Variants in GRM3 observed in about 807,000 individuals in gnomAD.
GRM3 encodes the protein metabotropic glutamate receptor 3.
Under a neutral mutation model 70.5 loss-of-function variants are expected in GRM3, and 26 were observed. The observed-to-expected ratio is 0.37, with a 90% CI of 0.27 to 0.51. The LOEUF (loss-of-function observed/expected upper bound fraction) is 0.51, where lower values mean the gene tolerates loss of function less well. Among genes scored for constraint, GRM3 ranks in the 20% least tolerant of loss-of-function variants. GRM3 has a pLI of 0.93. For missense variants in GRM3, 859 were observed against 1,123.8 expected (o/e 0.76, Z 3.37); for synonymous variants, 443 against 434.9 (o/e 1.02, Z -0.23).
intron 3 of GRM3, among the ~76,000 whole-genome samples, chr7:86,831,386 G>A (rs1798348989): frequency 6.6e-6 from 1 of 152,074 alleles, no homozygotes; most frequent in African/African-American, 2.4e-5. Context: ...TGAGAAAAAA[G>A]CAGTACACTG....
intron 2 of GRM3, among the ~76,000 whole-genome samples, chr7:86,771,464 AG>A (rs1796738808): frequency 6.6e-6 from 1 of 152,080 alleles, no homozygotes; most frequent in Non-Finnish European, 1.5e-5. Flanking sequence ...TATTATAACT[AG>A]GGTTCTCATA....
At chr7:86,710,254 G>C (rs1177028064) in intron 1 of GRM3, 2 of 151,406 alleles carry the variant, frequency 1.3e-5, no homozygotes, top group Admixed American at 1.3e-4. Context: ...CCCTAACTTT[G>C]AATTTAGTTA....
chr7:86,679,866 T>C (rs2299215), intron 1 of GRM3, among the ~76,000 whole-genome samples: 44,669 of 152,078 alleles, frequency 0.29, 8,526 homozygotes, highest in East Asian at 0.72. Context: ...AAATTTCTAA[T>C]TTGTTCACTC....
chr7:86,740,772 GGACTTCC>G (rs1795970278), intron 1 of GRM3, among the ~76,000 whole-genome samples: 4 of 152,190 alleles, frequency 2.6e-5, no homozygotes, highest in Non-Finnish European at 5.9e-5. Context: ...CCCTTGGCAA[GGACTTCC>G]AACTCACTTC....
At chr7:86,862,464 C>T (rs1218660677) in intron 5 of GRM3, among the ~76,000 whole-genome samples, 1 of 152,154 alleles carries the variant, frequency 6.6e-6, no homozygotes, top group Non-Finnish European at 1.5e-5. Flanking sequence ...CTGGCACATA[C>T]TGTGTTACCA....
intron 1 of GRM3, among the ~76,000 whole-genome samples, chr7:86,756,580 ATTG>A (rs760899373): frequency 1.3e-5 from 2 of 152,142 alleles, no homozygotes; most frequent in East Asian, 3.9e-4. Context: ...TATCATTAAT[ATTG>A]TTGTTACATT....
At chr7:86,665,580 T>A in intron 1 of GRM3, among the ~76,000 whole-genome samples, 1 of 152,038 alleles carries the variant, frequency 6.6e-6, no homozygotes, top group East Asian at 1.9e-4. Context: ...TTAAAATACA[T>A]CCATTAATCA....
chr7:86,789,595 G>A (rs1797355848), intron 3 of GRM3, among the ~76,000 whole-genome samples: 1 of 151,944 alleles, frequency 6.6e-6, no homozygotes, highest in Admixed American at 6.6e-5. Flanking sequence ...TGAATATTGT[G>A]GCAATAAACT....
chr7:86,760,455 G>A (rs550581321), intron 1 of GRM3, among the ~76,000 whole-genome samples: 1 of 152,190 alleles, frequency 6.6e-6, no homozygotes, highest in South Asian at 2.1e-4. Flanking sequence ...TTTGACTGTA[G>A]AGATGCAATT....
At chr7:86,699,043 C>T (rs1244387666) in intron 1 of GRM3, among the ~76,000 whole-genome samples, 4 of 151,868 alleles carry the variant, frequency 2.6e-5, no homozygotes, top group African/African-American at 9.7e-5. Flanking sequence ...ATCACATGTA[C>T]AAAACCAGAG....
At chr7:86,807,352 C>A in intron 3 of GRM3, among the ~76,000 whole-genome samples, 1 of 114,544 alleles carries the variant, frequency 8.7e-6, no homozygotes, top group Non-Finnish European at 1.7e-5. Flanking sequence ...GCCATTTTCA[C>A]GATATTGATT....
chr7:86,735,739 C>T (rs181097196), intron 1 of GRM3, among the ~76,000 whole-genome samples: 132 of 152,254 alleles, frequency 8.7e-4, no homozygotes, highest in Non-Finnish European at 1.0e-3. Context: ...ACAACACTGC[C>T]TTTCACAAAC....
chr7:86,692,549 C>T (rs907176224), intron 1 of GRM3, among the ~76,000 whole-genome samples: 2 of 152,166 alleles, frequency 1.3e-5, no homozygotes, highest in Non-Finnish European at 2.9e-5. Context: ...TATGCACCTG[C>T]CACATCTCTC....
chr7:86,846,926 T>C (rs1357499139), intron 4 of GRM3, among the ~76,000 whole-genome samples: 1 of 152,182 alleles, frequency 6.6e-6, no homozygotes, highest in Non-Finnish European at 1.5e-5. Context: ...CAAGTTAGCC[T>C]ACCACAGTTT....
At chr7:86,666,257 C>G (rs537442746) in intron 1 of GRM3, among the ~76,000 whole-genome samples, 1 of 151,978 alleles carries the variant, frequency 6.6e-6, no homozygotes, top group Admixed American at 6.6e-5. Flanking sequence ...ATTAGCTTCC[C>G]TTTTCTCAAT....
chr7:86,765,131 A>G lies in GRM3; in HGVS notation c.-15A>G. On this transcript the variant is annotated 5_prime_UTR_variant, in exon 2 of 6. Transcript: ENST00000361669. ...TCCACCATTGATATCTCCCAGAGGT[A>G]CAGAAACAGGATTCATGAAGATGTT... 6.4e-7 allele frequency: 1 copy of G among 1,552,844 alleles called. No individual in the cohort carries two copies. Among genetic ancestry groups the G allele is most frequent in the East Asian group, 2.2e-5 (1 of 44,540 alleles).
rs199979960 is a variant in GRM3, at chr7:86,847,793, TA to T, written c.2392-2572del. 5.7e-3 allele frequency among the ~76,000 whole-genome samples: 872 copies of T among 152,250 alleles called. 7 individuals are homozygous for T. The highest frequency in any genetic ancestry group is 0.02 in the African/African-American group (829 of 41,552). ...AAGGGTCAGAACACAGAATTACAGA[TA>T]AAAACAGACTTTTAATAGTGTGACT... On this transcript the variant is annotated intron_variant, in intron 4 of 5. Transcript: ENST00000361669.
chr7:86,825,267 C>T (rs561960119), intron 3 of GRM3, among the ~76,000 whole-genome samples: 35 of 152,328 alleles, frequency 2.3e-4, no homozygotes, highest in Non-Finnish European at 4.1e-4. Context: ...AAGAGGAGAA[C>T]ATTTTTTAAA....
At chr7:86,655,861 G>GGT (rs1447432497) in intron 1 of GRM3, among the ~76,000 whole-genome samples, 2 of 141,244 alleles carry the variant, frequency 1.4e-5, no homozygotes, top group African/African-American at 2.7e-5. Context: ...TGGGTGGGTG[G>GGT]GTGTGTGTGT....
Sources: allele counts gnomAD v4.1 joint callset (sites outside exome capture counted in the v4.1 genomes callset), GRCh38; gene constraint gnomAD v4.1.1; transcripts MANE v1.5; gene names NCBI Gene and HGNC (gene_info 2026-07-23, HGNC 2026-07-21).